Variants in CHST9 observed in about 807,000 individuals in gnomAD.
The protein encoded by CHST9 is GalNAc-4-sulfotransferase 2.
CHST9 carries 41 observed loss-of-function variants against 44.4 expected under a neutral mutation model. The ratio of observed to expected loss-of-function variants is 0.92; its 90% confidence interval spans 0.72 to 1.20. CHST9 has a LOEUF of 1.20. Among genes scored for constraint, CHST9 ranks in the 50% most tolerant of loss-of-function variants. CHST9 has a pLI of 0.00. For synonymous variants in CHST9, 171 were observed against 178.4 expected (o/e 0.96, Z 0.33); for missense variants, 504 against 516.5 (o/e 0.98, Z 0.23).
intron 4 of CHST9, among the ~76,000 whole-genome samples, chr18:27,003,199 A>G (rs1008339674): frequency 6.6e-5 from 10 of 152,306 alleles, no homozygotes; most frequent in Non-Finnish European, 1.0e-4. Context: ...TCAAAGCTCT[A>G]GAGTAATCTG....
chr18:27,027,433 G>C (rs909835339), intron 3 of CHST9, among the ~76,000 whole-genome samples: 1 of 152,208 alleles, frequency 6.6e-6, no homozygotes, highest in African/African-American at 2.4e-5. Flanking sequence ...AATAATCACA[G>C]TGAAGTTTAG....
chr18:27,078,473 G>GTATA (rs141980740), intron 2 of CHST9, among the ~76,000 whole-genome samples: 22 of 151,088 alleles, frequency 1.5e-4, no homozygotes, highest in Admixed American at 9.9e-4. Context: ...TGTATGTAAA[G>GTATA]TATATATATA....
chr18:27,125,147 A>C (rs2058409266), intron 2 of CHST9, among the ~76,000 whole-genome samples: 1 of 152,196 alleles, frequency 6.6e-6, no homozygotes, highest in South Asian at 2.1e-4. Flanking sequence ...TATAGAAAGC[A>C]ATGAGAACAT....
intron 5 of CHST9, among the ~76,000 whole-genome samples, chr18:26,923,643 A>G (rs2055705090): frequency 6.6e-6 from 1 of 152,204 alleles, no homozygotes; most frequent in Non-Finnish European, 1.5e-5. Context: ...CATATATGGA[A>G]TTACTACTGT....
At chr18:26,956,943 A>G (rs377561012) in intron 4 of CHST9, among the ~76,000 whole-genome samples, 195 of 152,318 alleles carry the variant, frequency 1.3e-3, no homozygotes, top group Non-Finnish European at 1.6e-3. Context: ...AGGAATTTTA[A>G]TAACTTTCTG....
chr18:27,062,158 A>G (rs2057729989), intron 2 of CHST9, among the ~76,000 whole-genome samples: 1 of 151,968 alleles, frequency 6.6e-6, no homozygotes, highest in African/African-American at 2.4e-5. Context: ...TTGTTTGGTC[A>G]ATTCTTTTTT....
chr18:26,975,763 A>G (rs909945397), intron 4 of CHST9, among the ~76,000 whole-genome samples: 3 of 105,376 alleles, frequency 2.8e-5, no homozygotes, highest in African/African-American at 1.1e-4. Context: ...ATATATATAT[A>G]TAACATTTTC....
intron 2 of CHST9, among the ~76,000 whole-genome samples, chr18:27,096,732 A>G (rs1332642612): frequency 6.6e-6 from 1 of 152,028 alleles, no homozygotes; most frequent in Non-Finnish European, 1.5e-5. Flanking sequence ...ATTGAATCAG[A>G]AAGAAACTGA....
chr18:27,073,053 C>G (rs1048916507), intron 2 of CHST9, among the ~76,000 whole-genome samples: 1 of 152,134 alleles, frequency 6.6e-6, no homozygotes, highest in Admixed American at 6.5e-5. Flanking sequence ...CACCAAGTGA[C>G]TAGAGCAGAA....
Position 26,907,300 on chromosome 18 carries a change from T to A in CHST9, c.*8959A>T, listed in dbSNP as rs999533970. 6.6e-6 allele frequency: 1 copy of A among 152,414 alleles called. No homozygotes were observed. Among genetic ancestry groups the A allele is most frequent in the Non-Finnish European group, 1.5e-5 (1 of 68,066 alleles). The allele number at this position is 152,414 out of a possible 1,614,324, so 9.4% of individuals were successfully genotyped here. On this transcript the variant is annotated 3_prime_UTR_variant, in exon 6 of 6. Transcript: ENST00000618847. Reference sequence around the variant, plus strand: ...ACTTCTAGGTTCCTAACTCAGAAGATGGAGTAGATGGATGGTGTTGCCACC... The same window carrying A: ...ACTTCTAGGTTCCTAACTCAGAAGAAGGAGTAGATGGATGGTGTTGCCACC...
At chr18:27,158,865 G>A (rs1243945642) in intron 1 of CHST9, among the ~76,000 whole-genome samples, 1 of 152,158 alleles carries the variant, frequency 6.6e-6, no homozygotes, top group Non-Finnish European at 1.5e-5. Context: ...GTGATGATGA[G>A]CATTTTTTCA....
rs377143567 is a variant in CHST9, at chr18:27,081,815, T to C, written c.122-33312A>G. 1.4e-4 allele frequency among the ~76,000 whole-genome samples: 21 copies of C among 152,342 alleles called. No individual in the cohort carries two copies. The South Asian group carries it at 2.1e-3, about 15-fold the overall frequency. On this transcript the variant is annotated intron_variant, in intron 2 of 5. Transcript: ENST00000618847. Reference sequence around the variant, plus strand: ...CTCAAAGCACACCTTGTGTTAATTCTATCTTGTTTGCAAAGTGGAACTGCC... The same window carrying C: ...CTCAAAGCACACCTTGTGTTAATTCCATCTTGTTTGCAAAGTGGAACTGCC...
chr18:27,058,022 GA>G (rs1204425215), intron 2 of CHST9, among the ~76,000 whole-genome samples: 1 of 152,168 alleles, frequency 6.6e-6, no homozygotes, highest in Non-Finnish European at 1.5e-5. Context: ...TGATATTCAG[GA>G]TCTCATTCTG....
At chr18:27,181,730 C>T (rs1012231347) in intron 1 of CHST9, among the ~76,000 whole-genome samples, 1 of 152,306 alleles carries the variant, frequency 6.6e-6, no homozygotes, top group Middle Eastern at 3.4e-3. Flanking sequence ...GATTGAATTT[C>T]TCAAACTTTG....
intron 5 of CHST9, chr18:26,936,510 A>C (rs1250838190): frequency 6.6e-6 from 1 of 152,120 alleles, no homozygotes; most frequent in Non-Finnish European, 1.5e-5. Flanking sequence ...CTATGAAGTG[A>C]GTGTCTTTCT....
intron 1 of CHST9, among the ~76,000 whole-genome samples, chr18:27,145,745 T>C (rs2058606970): frequency 6.6e-6 from 1 of 152,234 alleles, no homozygotes; most frequent in Non-Finnish European, 1.5e-5. Flanking sequence ...TTTGCTCTTA[T>C]ATTGAATCTA....
intron 1 of CHST9, among the ~76,000 whole-genome samples, chr18:27,183,277 T>A (rs575246502): frequency 1.3e-5 from 2 of 152,176 alleles, no homozygotes; most frequent in African/African-American, 4.8e-5. Context: ...TGAGTCAACA[T>A]TGGATACCAT....
intron 4 of CHST9, among the ~76,000 whole-genome samples, chr18:26,961,854 G>T (rs2056404305): frequency 6.6e-6 from 1 of 152,122 alleles, no homozygotes; most frequent in South Asian, 2.1e-4. Flanking sequence ...TTGCACATTA[G>T]GACAGGCGTT....
chr18:27,124,927 G>C (rs549239121), intron 2 of CHST9, among the ~76,000 whole-genome samples: 2 of 152,274 alleles, frequency 1.3e-5, no homozygotes, highest in South Asian at 4.1e-4. Context: ...ATCACTTTAT[G>C]GATTTGTCTC....
Sources: allele counts gnomAD v4.1 joint callset (sites outside exome capture counted in the v4.1 genomes callset), GRCh38; gene constraint gnomAD v4.1.1; transcripts MANE v1.5; gene names NCBI Gene and HGNC (gene_info 2026-07-23, HGNC 2026-07-21).